GALNT13: variants seen among roughly 807,000 people sequenced by gnomAD.
GALNT13 encodes polypeptide N-acetylgalactosaminyltransferase 13, also known as UDP-GalNAc:polypeptide N-acetylgalactosaminyltransferase 13.
In GALNT13, 28 loss-of-function variants were observed where a neutral mutation model predicts 64.2. The ratio of observed to expected loss-of-function variants is 0.44; its 90% CI spans 0.32 to 0.60. The LOEUF is 0.60. GALNT13 is among the 20% of genes least tolerant of loss of function. GALNT13 has a pLI of 0.05. For synonymous variants in GALNT13, 214 were observed against 224.6 expected, an observed-to-expected ratio of 0.95 and a Z score of 0.42; for missense variants, 577 against 669.8, an observed-to-expected ratio of 0.86 and a Z score of 1.53.
chr2:153,567,661 CAG>C, the GALNT13 span, among the ~76,000 whole-genome samples: 1 of 152,140 alleles, frequency 6.6e-6, no homozygotes, highest in Admixed American at 6.5e-5. Flanking sequence ...GGACACCAAA[CAG>C]AACACTCCTG....
the GALNT13 span, among the ~76,000 whole-genome samples, chr2:153,381,305 C>CT: frequency 5.7e-4 from 87 of 151,866 alleles, no homozygotes; most frequent in South Asian, 0.017. Flanking sequence ...GGAACAAAGC[C>CT]TTTTTTTTCT....
At chr2:154,049,207 A>G (rs987323708) in intron 3 of GALNT13, among the ~76,000 whole-genome samples, 1 of 151,940 alleles carries the variant, frequency 6.6e-6, no homozygotes, top group Non-Finnish European at 1.5e-5. Flanking sequence ...ACACTGATCA[A>G]TGTGGAATAG....
chr2:153,102,486 G>A, the GALNT13 span, among the ~76,000 whole-genome samples: 1 of 152,036 alleles, frequency 6.6e-6, no homozygotes, highest in Non-Finnish European at 1.5e-5. Flanking sequence ...AAATTAAACT[G>A]TTTGTGCAGA....
chr2:154,124,277 T>G (rs1042056213), intron 3 of GALNT13, among the ~76,000 whole-genome samples: 1 of 151,988 alleles, frequency 6.6e-6, no homozygotes, highest in African/African-American at 2.4e-5. Flanking sequence ...AAGAGAGAGA[T>G]ATGTCCTTAG....
the GALNT13 span, among the ~76,000 whole-genome samples, chr2:153,508,071 C>T: frequency 0.2 from 30,425 of 152,066 alleles, 4,625 homozygotes; most frequent in African/African-American, 0.43. Context: ...CCAGTGGAGG[C>T]AGCAGGGGAG....
the GALNT13 span, among the ~76,000 whole-genome samples, chr2:153,558,534 T>G: frequency 6.6e-6 from 1 of 152,200 alleles, no homozygotes; most frequent in Non-Finnish European, 1.5e-5. Flanking sequence ...GTACTTTAAG[T>G]AGCAAATTGA....
chr2:154,157,133 A>T (rs1483197873), intron 4 of GALNT13, among the ~76,000 whole-genome samples: 1 of 151,882 alleles, frequency 6.6e-6, no homozygotes, highest in Non-Finnish European at 1.5e-5. Context: ...CTTCCTCTCA[A>T]CCCTCATTCT....
At chr2:154,038,858 T>C (rs1249360438) in intron 3 of GALNT13, among the ~76,000 whole-genome samples, 1 of 152,000 alleles carries the variant, frequency 6.6e-6, no homozygotes, top group African/African-American at 2.4e-5. Context: ...AAATTATTAG[T>C]CCAAGAAGGG....
At chr2:153,837,905 C>T in the GALNT13 span, among the ~76,000 whole-genome samples, 1 of 151,950 alleles carries the variant, frequency 6.6e-6, no homozygotes, top group East Asian at 1.9e-4. Flanking sequence ...ACAAGTGTTT[C>T]CTTTTCTCCA....
chr2:153,692,353 T>C, the GALNT13 span, among the ~76,000 whole-genome samples: 1 of 152,148 alleles, frequency 6.6e-6, no homozygotes. Flanking sequence ...CAATTATGTA[T>C]AATTTAAAAA....
At chr2:154,164,669 T>C (rs1269055155) in intron 4 of GALNT13, among the ~76,000 whole-genome samples, 1 of 152,094 alleles carries the variant, frequency 6.6e-6, no homozygotes, top group African/African-American at 2.4e-5. Flanking sequence ...AGCTTTAATA[T>C]TGAAAAGTTC....
At chr2:153,155,790 A>C in the GALNT13 span, among the ~76,000 whole-genome samples, 1 of 151,962 alleles carries the variant, frequency 6.6e-6, no homozygotes, top group East Asian at 1.9e-4. Context: ...TTTGTTCTCT[A>C]GTTCTTCTAG....
chr2:153,711,893 C>G, the GALNT13 span, among the ~76,000 whole-genome samples: 19 of 152,254 alleles, frequency 1.2e-4, no homozygotes, highest in African/African-American at 4.6e-4. Context: ...AATGGCTAGG[C>G]CTACCTTCAA....
chr2:154,091,957 C>A (rs1197788260), intron 3 of GALNT13, among the ~76,000 whole-genome samples: 3 of 151,040 alleles, frequency 2.0e-5, no homozygotes, highest in Non-Finnish European at 4.4e-5. Flanking sequence ...TTTTATTGTA[C>A]CCTGAGAGTT....
chr2:154,025,316 C>G (rs886484459), intron 3 of GALNT13, among the ~76,000 whole-genome samples: 3 of 152,246 alleles, frequency 2.0e-5, no homozygotes, highest in Middle Eastern at 3.4e-3. Context: ...GCTCCTCCCC[C>G]CATGTTTAAA....
At chr2:154,248,289 C>A in intron 7 of GALNT13, among the ~76,000 whole-genome samples, 1 of 149,018 alleles carries the variant, frequency 6.7e-6, no homozygotes, top group Admixed American at 6.9e-5. Flanking sequence ...TCTTATTTTT[C>A]TGGGCTTTGG....
the GALNT13 span, among the ~76,000 whole-genome samples, chr2:153,777,032 TTTTG>T: frequency 0.019 from 2,902 of 152,270 alleles, 85 homozygotes; most frequent in African/African-American, 0.065. Context: ...TTTTCCTGTT[TTTTG>T]TTTGTTTGTT....
At chr2:153,249,926 T>A in the GALNT13 span, among the ~76,000 whole-genome samples, 1 of 152,250 alleles carries the variant, frequency 6.6e-6, no homozygotes, top group Admixed American at 6.5e-5. Context: ...TAAAAAACCC[T>A]AGAAGAAAAC....
At chr2:153,520,482 A>G in the GALNT13 span, among the ~76,000 whole-genome samples, 2 of 152,222 alleles carry the variant, frequency 1.3e-5, no homozygotes, top group South Asian at 4.1e-4. Flanking sequence ...GATTTATTCA[A>G]AAATGCAATC....
Sources: gnomAD v4.1 joint callset for allele counts (sites outside exome capture counted in the v4.1 genomes callset) on GRCh38, gnomAD v4.1.1 for gene constraint, MANE v1.5 for transcripts, NCBI Gene and HGNC (gene_info 2026-07-23, HGNC 2026-07-21) for gene names.